The following CLMN variants were observed in gnomAD, a reference collection of about 807,000 sequenced individuals.
CLMN encodes calmin, also known as calmin (calponin-like, transmembrane).
CLMN carries 57 observed loss-of-function variants against 92.7 expected under a neutral mutation model. The ratio of observed to expected loss-of-function variants is 0.61; its 90% CI spans 0.50 to 0.77. The LOEUF is 0.77. Among genes scored for constraint, CLMN ranks in the 30% least tolerant of loss-of-function variants. The pLI is 0.00. For missense variants in CLMN, 1,158 were observed against 1,237.5 expected (o/e 0.94, Z 0.96); for synonymous variants, 466 against 470.6 (o/e 0.99, Z 0.13).
At chr14:95,213,723 T>G (rs1897256955) in intron 5 of CLMN, among the ~76,000 whole-genome samples, 1 of 152,066 alleles carries the variant, frequency 6.6e-6, no homozygotes, top group Non-Finnish European at 1.5e-5. Flanking sequence ...GCCCCTTTCC[T>G]CTCACCGCCC....
intron 1 of CLMN, among the ~76,000 whole-genome samples, chr14:95,262,100 T>C (rs2140703131): frequency 6.6e-6 from 1 of 152,254 alleles, no homozygotes; most frequent in South Asian, 2.1e-4. Context: ...GGCAAATCAA[T>C]CTGAACTCTC....
In CLMN at chr14:95,217,156, A is replaced by T. The variant is rs987715207; in HGVS notation, c.325-1423T>A. ...AAAGCAAAAGTCTAAGTCATTCTTC[A>T]GGAGAAAGAGAAAGTCAAGATACAC... On this transcript the variant is annotated intron_variant, in intron 4 of 12. Coordinates refer to ENST00000298912, the MANE Select transcript of CLMN (RefSeq NM_024734.4). Among the ~76,000 whole-genome samples, 3 of 152,252 alleles carry T rather than the reference A, an allele frequency of 2.0e-5. No homozygotes were observed. The South Asian group carries it at 6.2e-4, about 31-fold the overall frequency.
At chr14:95,224,080 C>T (rs1897634625) in intron 2 of CLMN, among the ~76,000 whole-genome samples, 2 of 152,194 alleles carry the variant, frequency 1.3e-5, no homozygotes, top group South Asian at 4.1e-4. Flanking sequence ...GAAGATTCAC[C>T]AAGAGGGGGC....
chr14:95,246,086 G>A (rs566104311), intron 1 of CLMN, among the ~76,000 whole-genome samples: 2 of 152,292 alleles, frequency 1.3e-5, no homozygotes, highest in South Asian at 2.1e-4. Flanking sequence ...TAAATAAGCT[G>A]CTGCTCCCAG....
At chr14:95,243,194 GGT>G (rs1898325000) in intron 1 of CLMN, among the ~76,000 whole-genome samples, 1 of 152,134 alleles carries the variant, frequency 6.6e-6, no homozygotes, top group Non-Finnish European at 1.5e-5. Flanking sequence ...AGATTCTTCT[GGT>G]GTCCTTACCG....
chr14:95,246,457 TG>T (rs1898576504), intron 1 of CLMN, among the ~76,000 whole-genome samples: 2 of 152,164 alleles, frequency 1.3e-5, no homozygotes, highest in African/African-American at 4.8e-5. Context: ...CCCCTCCTCT[TG>T]GGAACTGTGA....
intron 1 of CLMN, among the ~76,000 whole-genome samples, chr14:95,270,052 G>C (rs1440230178): frequency 6.6e-6 from 1 of 152,180 alleles, no homozygotes; most frequent in African/African-American, 2.4e-5. Context: ...ACCTAAGAAG[G>C]TAAAATGGCT....
intron 9 of CLMN, among the ~76,000 whole-genome samples, chr14:95,198,500 C>T (rs1231431300): frequency 2.0e-5 from 3 of 152,142 alleles, no homozygotes; most frequent in Non-Finnish European, 4.4e-5. Flanking sequence ...CGGATTGAGG[C>T]AAGGGCTGCA....
At chr14:95,290,123 C>T (rs940095159) in intron 1 of CLMN, among the ~76,000 whole-genome samples, 1 of 152,244 alleles carries the variant, frequency 6.6e-6, no homozygotes, top group Non-Finnish European at 1.5e-5. Context: ...CAATCCAAGG[C>T]TGTTTCTCGT....
intron 1 of CLMN, among the ~76,000 whole-genome samples, chr14:95,288,508 T>G (rs770364690): frequency 6.6e-6 from 1 of 152,212 alleles, no homozygotes; most frequent in Non-Finnish European, 1.5e-5. Context: ...CACAGGGTTC[T>G]GCTAGGTGAT....
intron 1 of CLMN, among the ~76,000 whole-genome samples, chr14:95,245,247 TATATATAATATA>T (rs1898486199): frequency 8.3e-5 from 3 of 36,098 alleles, no homozygotes; most frequent in African/African-American, 6.2e-4. Context: ...ATTATATATA[TATATATAATATA>T]TATATATATA....
chr14:95,273,666 G>A (rs533956294), intron 1 of CLMN, among the ~76,000 whole-genome samples: 1 of 152,278 alleles, frequency 6.6e-6, no homozygotes, highest in Admixed American at 6.5e-5. Context: ...ATAACCTTGG[G>A]TATCTTACCC....
rs927356909 is a variant in CLMN, at chr14:95,188,309, A to T, written c.*3255T>A. 1.2e-4 allele frequency: 18 copies of T among 152,264 alleles called. No homozygotes were observed. The highest frequency in any genetic ancestry group is 1.3e-4 in the Admixed American group (2 of 15,290). The allele number at this position is 152,264 out of a possible 1,614,324, so 9.4% of individuals were successfully genotyped here. A position where few individuals can be genotyped will look rare whatever the true frequency, so the allele number is the denominator to read the frequency against. Reference sequence around the variant, plus strand: ...ATGAGGGCAACACAGGGAGCAGAAAAGACTTCCCCTCAGACCACAATCATT... The same window carrying T: ...ATGAGGGCAACACAGGGAGCAGAAATGACTTCCCCTCAGACCACAATCATT... On this transcript the variant is annotated 3_prime_UTR_variant, in exon 13 of 13. Transcript: ENST00000298912.
rs568503217 is a variant in CLMN at position 95,227,161 on chromosome 14, C to T, written c.144+2911G>A. Among the ~76,000 whole-genome samples the T allele has an allele frequency of 1.1e-3, 169 of 152,250 alleles. 3 individuals carry two copies. Among genetic ancestry groups the T allele is most frequent in the African/African-American group, 3.9e-3 (162 of 41,548 alleles). Reference sequence around the variant, plus strand: ...GGAAACAGTGGAACTGTGGCCCAGCCACCCTTTCCCTGTGGGAAAGCCTCC... The same window carrying T: ...GGAAACAGTGGAACTGTGGCCCAGCTACCCTTTCCCTGTGGGAAAGCCTCC... On this transcript the variant is annotated intron_variant, in intron 2 of 12. Transcript: ENST00000298912.
intron 1 of CLMN, among the ~76,000 whole-genome samples, chr14:95,298,021 T>A (rs1282903848): frequency 2.6e-5 from 4 of 152,086 alleles, no homozygotes; most frequent in Non-Finnish European, 5.9e-5. Flanking sequence ...CACTTTGCAT[T>A]TCCCCCAGCA....
At chr14:95,319,628 G>T (rs1307318367) in intron 1 of CLMN, 83 bp downstream of exon 1, 1 of 1,132,850 alleles carries the variant, frequency 8.8e-7, no homozygotes, top group Non-Finnish European at 1.2e-6. Context: ...CGGGGGCGGC[G>T]CGGGGGAGTT....
intron 1 of CLMN, among the ~76,000 whole-genome samples, chr14:95,251,799 T>C (rs1768138711): frequency 6.6e-6 from 1 of 152,138 alleles, no homozygotes; most frequent in African/African-American, 2.4e-5. Context: ...TTTGTTGGAG[T>C]GCTGGAGCTC....
Position 95,241,477 on chromosome 14 carries a change from G to T in CLMN, c.83-11344C>A, listed in dbSNP as rs148218160. Among the ~76,000 whole-genome samples, 5 of 152,310 alleles carry T rather than the reference G, an allele frequency of 3.3e-5. No homozygotes were observed. The East Asian group carries it at 9.6e-4, about 29-fold the overall frequency. On this transcript the variant is annotated intron_variant, in intron 1 of 12. Coordinates refer to ENST00000298912, the MANE Select transcript of CLMN (RefSeq NM_024734.4). ...TTAATATTTGCTTTCAATGCAAGGG[G>T]CAAAACAAACCCAGAAATTCCCATT...
At chr14:95,285,123 T>C (rs1178589281) in intron 1 of CLMN, among the ~76,000 whole-genome samples, 1 of 152,200 alleles carries the variant, frequency 6.6e-6, no homozygotes, top group Non-Finnish European at 1.5e-5. Context: ...TTTACACTTT[T>C]GTTTCTTTCT....
Sources: allele counts gnomAD v4.1 joint callset (sites outside exome capture counted in the v4.1 genomes callset), GRCh38; gene constraint gnomAD v4.1.1; transcripts MANE v1.5; gene names NCBI Gene and HGNC (gene_info 2026-07-23, HGNC 2026-07-21).